CFAP47: variants seen among roughly 807,000 people sequenced by gnomAD.
The protein encoded by CFAP47 is cilia- and flagella-associated protein 47.
A neutral mutation model predicts 148.1 loss-of-function variants in CFAP47; 29 were observed. The observed-to-expected ratio is 0.20, with a 90% CI of 0.15 to 0.27. The LOEUF (loss-of-function observed/expected upper bound fraction) is 0.27, where lower values mean the gene tolerates loss of function less well. Ranked by LOEUF, CFAP47 falls within the 10% of genes least tolerant of loss-of-function variation. The probability of loss-of-function intolerance (pLI) is 1.00; values close to 1 mark genes in which losing one functional copy is unlikely to be tolerated. For missense variants in CFAP47, 1,872 were observed against 1,697.5 expected (o/e 1.10, Z -1.81); for synonymous variants, 664 against 577.3 (o/e 1.15, Z -2.15).
chrX:36,136,056 T>C (rs1047698296), intron 33 of CFAP47, among the ~76,000 whole-genome samples: 1 of 111,051 alleles, frequency 9.0e-6, no homozygotes, highest in Admixed American at 9.6e-5. Context: ...ATATACATAC[T>C]AGGGTTTAAC....
chrX:36,240,967 C>G (rs1440552692), intron 48 of CFAP47, among the ~76,000 whole-genome samples: 1 of 110,459 alleles, frequency 9.1e-6, no homozygotes, highest in Non-Finnish European at 1.9e-5. Flanking sequence ...ATCCAGTAAG[C>G]CAACATAATT....
chrX:35,960,380 GAAAAAAAAAAAAA>G (rs1188987905), intron 8 of CFAP47, among the ~76,000 whole-genome samples: 3 of 15,489 alleles, frequency 1.9e-4, no homozygotes, highest in African/African-American at 7.9e-4. Flanking sequence ...GCTAATTTCT[GAAAAAAAAAAAAA>G]AAAAAAAAAA....
intron 29 of CFAP47, among the ~76,000 whole-genome samples, chrX:36,082,652 C>T (rs1222455330): frequency 9.0e-6 from 1 of 111,046 alleles, no homozygotes; most frequent in Non-Finnish European, 1.9e-5. Flanking sequence ...CACATACAAA[C>T]AACACATCCT....
At chrX:36,148,714 A>G (rs1030196880) in intron 36 of CFAP47, among the ~76,000 whole-genome samples, 17 of 111,987 alleles carry the variant, frequency 1.5e-4, no homozygotes, top group Non-Finnish European at 1.7e-4. Context: ...CAGCCAGAGT[A>G]TCCTTTTTGT....
intron 2 of CFAP47, among the ~76,000 whole-genome samples, chrX:35,930,790 A>T (rs1183739637): frequency 2.7e-5 from 3 of 111,152 alleles, no homozygotes; most frequent in Non-Finnish European, 5.7e-5. Context: ...CTGTAGTGAT[A>T]TCCTTTCTTT....
At chrX:36,312,227 G>A (rs1006172838) in intron 56 of CFAP47, among the ~76,000 whole-genome samples, 2 of 110,169 alleles carry the variant, frequency 1.8e-5, no homozygotes, top group Non-Finnish European at 3.8e-5. Context: ...CTTAGGTGGG[G>A]GTAAAATAAA....
At chrX:36,092,316 T>C (rs1296226888) in intron 30 of CFAP47, among the ~76,000 whole-genome samples, 6 of 111,547 alleles carry the variant, frequency 5.4e-5, no homozygotes, top group Non-Finnish European at 1.1e-4. Flanking sequence ...TAGGTATTTG[T>C]GGTTATAGGT....
intron 27 of CFAP47, among the ~76,000 whole-genome samples, chrX:36,068,654 A>G (rs1243631008): frequency 9.0e-6 from 1 of 111,120 alleles, no homozygotes; most frequent in Non-Finnish European, 1.9e-5. Context: ...CATTGTCAAA[A>G]TGTAAAGATT....
intron 18 of CFAP47, 33 bp from the exon 19 acceptor site, chrX:35,997,279 G>C (rs1405469389): frequency 3.5e-6 from 1 of 289,427 alleles, no homozygotes; most frequent in African/African-American, 2.8e-5. Flanking sequence ...TTTTAATGTG[G>C]TTTCTACAAA....
At chrX:35,990,257 A>AT (rs1421075687) in intron 16 of CFAP47, 1 of 111,632 alleles carries the variant, frequency 9.0e-6, no homozygotes, top group Non-Finnish European at 1.9e-5. Flanking sequence ...TATAGAGTAT[A>AT]TTAAAACCTA....
chrX:36,272,181 A>C (rs887265099), intron 49 of CFAP47, among the ~76,000 whole-genome samples: 1 of 112,115 alleles, frequency 8.9e-6, no homozygotes, highest in Non-Finnish European at 1.9e-5. Context: ...TGAGATCAAG[A>C]TTCTGAAGCA....
Position 35,951,938 on chromosome X carries a change from G to A in CFAP47, c.1021G>A (p.Val341Ile). The A allele has an allele frequency of 1.7e-6, 2 of 1,166,346 alleles. No homozygotes were observed. The highest frequency in any genetic ancestry group is 2.3e-6 in the Non-Finnish European group (2 of 881,432). The change falls in exon 6 of 64, where the codon GTA becomes ATA. Residue 341 changes from valine to isoleucine, a missense_variant. Val to Ile is a conservative substitution (Grantham distance 29, BLOSUM62 3). Coordinates refer to ENST00000378653, the MANE Select transcript of CFAP47 (RefSeq NM_001304548.2). ...GACTTTACAACCTTATCAAAAGACT[G>A]TAATTACATTTTGTTTCACCCCAAA... is the stretch of plus-strand genomic sequence containing the variant. The part of the protein sequence containing the change: ...EGTLQPYQKT[V>I]ITFCFTPKLM...
At chrX:36,374,262 A>G (rs782142989) in intron 62 of CFAP47, among the ~76,000 whole-genome samples, 3 of 110,889 alleles carry the variant, frequency 2.7e-5, no homozygotes, top group African/African-American at 9.8e-5. Context: ...TATTAGTTCA[A>G]TCTTGGTAGG....
chrX:36,322,596 C>T (rs1291728447), intron 57 of CFAP47, among the ~76,000 whole-genome samples: 8 of 110,941 alleles, frequency 7.2e-5, no homozygotes, highest in African/African-American at 2.6e-4. Flanking sequence ...ATTTGTGTTC[C>T]ATTTTAAGAA....
chrX:36,306,328 T>C (rs1225296998), intron 54 of CFAP47, among the ~76,000 whole-genome samples: 2 of 111,620 alleles, frequency 1.8e-5, no homozygotes, highest in African/African-American at 6.5e-5. Flanking sequence ...TCCTTGCACA[T>C]TAAAGAAGCA....
chrX:35,924,326 T>TACAC (rs2077117925), intron 1 of CFAP47, among the ~76,000 whole-genome samples: 1 of 106,723 alleles, frequency 9.4e-6, no homozygotes, highest in Non-Finnish European at 1.9e-5. Context: ...CATGTATGTG[T>TACAC]ATATGTGTAC....
intron 48 of CFAP47, among the ~76,000 whole-genome samples, chrX:36,238,392 T>C (rs1555995302): frequency 8.9e-6 from 1 of 112,457 alleles, no homozygotes; most frequent in Non-Finnish European, 1.9e-5. Flanking sequence ...TCTTTTTCTT[T>C]ATAAATTACC....
intron 18 of CFAP47, among the ~76,000 whole-genome samples, chrX:35,996,896 A>C (rs1936853745): frequency 8.9e-6 from 1 of 111,930 alleles, no homozygotes; most frequent in Non-Finnish European, 1.9e-5. Flanking sequence ...AGTTAGTCTC[A>C]TTACTATTAT....
intron 26 of CFAP47, among the ~76,000 whole-genome samples, chrX:36,053,584 G>A (rs1319543234): frequency 9.0e-6 from 1 of 111,427 alleles, no homozygotes; most frequent in Non-Finnish European, 1.9e-5. Context: ...CATCTGCTCT[G>A]TATTCTTTGT....
Sources: gnomAD v4.1 joint callset for allele counts (sites outside exome capture counted in the v4.1 genomes callset) on GRCh38, gnomAD v4.1.1 for gene constraint, MANE v1.5 for transcripts, NCBI Gene and HGNC (gene_info 2026-07-23, HGNC 2026-07-21) for gene names.